RIMS2: variants seen among roughly 807,000 people sequenced by gnomAD.
RIMS2 encodes regulating synaptic membrane exocytosis 2.
RIMS2 carries 59 observed loss-of-function variants against 174.4 expected under a neutral mutation model. The observed-to-expected ratio is 0.34, with a 90% CI of 0.27 to 0.42. The LOEUF (loss-of-function observed/expected upper bound fraction) is 0.42, where lower values mean the gene tolerates loss of function less well. Ranked by LOEUF, RIMS2 falls within the 10% of genes least tolerant of loss-of-function variation. The probability of loss-of-function intolerance (pLI) is 1.00; values close to 1 mark genes in which losing one functional copy is unlikely to be tolerated. For synonymous variants in RIMS2, 606 were observed against 572.5 expected (o/e 1.06, Z -0.84); for missense variants, 1,620 against 1,666.3 (o/e 0.97, Z 0.48).
At chr8:103,970,964 G>T (rs1312955702) in intron 15 of RIMS2, among the ~76,000 whole-genome samples, 6 of 152,092 alleles carry the variant, frequency 3.9e-5, no homozygotes, top group African/African-American at 1.4e-4. Context: ...TTTAAAGTAA[G>T]TTGAAACTTT....
intron 1 of RIMS2, among the ~76,000 whole-genome samples, chr8:103,685,072 G>A (rs1001153918): frequency 1.4e-5 from 2 of 146,010 alleles, no homozygotes; most frequent in African/African-American, 5.0e-5. Flanking sequence ...ACAAGTTGAG[G>A]TTTTTGTTTT....
At chr8:103,861,883 C>A (rs2099060868) in intron 3 of RIMS2, among the ~76,000 whole-genome samples, 1 of 152,040 alleles carries the variant, frequency 6.6e-6, no homozygotes, top group Non-Finnish European at 1.5e-5. Flanking sequence ...AGATATTAGT[C>A]CTTTGTCAGA....
intron 14 of RIMS2, among the ~76,000 whole-genome samples, chr8:103,951,561 C>T (rs1313131239): frequency 1.3e-5 from 2 of 152,208 alleles, no homozygotes; most frequent in African/African-American, 4.8e-5. Flanking sequence ...GTACCTTGGA[C>T]TCTGGCCCAG....
chr8:103,583,602 T>G (rs1307522016), intron 1 of RIMS2, among the ~76,000 whole-genome samples: 2 of 152,068 alleles, frequency 1.3e-5, no homozygotes, highest in African/African-American at 4.8e-5. Context: ...TTGCAATAAT[T>G]AAAAAGAATC....
At chr8:103,746,263 GT>G (rs1346479567) in intron 2 of RIMS2, among the ~76,000 whole-genome samples, 1 of 152,038 alleles carries the variant, frequency 6.6e-6, no homozygotes, top group Non-Finnish European at 1.5e-5. Context: ...AGATGTATGG[GT>G]TTATTTCTGA....
intron 1 of RIMS2, among the ~76,000 whole-genome samples, chr8:103,628,437 C>A (rs771802334): frequency 6.6e-6 from 1 of 151,306 alleles, no homozygotes; most frequent in Non-Finnish European, 1.5e-5. Context: ...TCACCACAAC[C>A]TCCGCCTCCC....
chr8:103,712,893 A>C (rs1033692635), intron 2 of RIMS2, among the ~76,000 whole-genome samples: 2 of 152,240 alleles, frequency 1.3e-5, no homozygotes, highest in Non-Finnish European at 2.9e-5. Context: ...AATGAAAAAT[A>C]AAAGAATTTT....
intron 19 of RIMS2, among the ~76,000 whole-genome samples, chr8:104,048,257 G>A (rs2096726595): frequency 1.3e-5 from 2 of 152,034 alleles, no homozygotes; most frequent in Non-Finnish European, 2.9e-5. Flanking sequence ...AACTCTAATA[G>A]ACAAAATGGG....
intron 19 of RIMS2, among the ~76,000 whole-genome samples, chr8:104,060,757 G>C (rs1445685726): frequency 2.0e-5 from 3 of 152,072 alleles, no homozygotes; most frequent in African/African-American, 4.8e-5. Context: ...CCCAGAGATT[G>C]TGGTATGTTG....
At chr8:104,175,708 G>C (rs1273770822) in intron 19 of RIMS2, among the ~76,000 whole-genome samples, 1 of 152,044 alleles carries the variant, frequency 6.6e-6, no homozygotes, top group Non-Finnish European at 1.5e-5. Context: ...GAGACTAAAA[G>C]AGAAAGAACA....
chr8:103,591,986 T>G (rs182452628), intron 1 of RIMS2, among the ~76,000 whole-genome samples: 152 of 151,352 alleles, frequency 1.0e-3, no homozygotes, highest in Non-Finnish European at 1.9e-3. Flanking sequence ...TAGATCTATT[T>G]GGAAAGAATT....
chr8:104,017,501 GC>G (rs2095950945), intron 19 of RIMS2, among the ~76,000 whole-genome samples: 1 of 151,650 alleles, frequency 6.6e-6, no homozygotes, highest in South Asian at 2.1e-4. Flanking sequence ...AAACTATAAG[GC>G]ATTATTATTA....
chr8:104,235,023 G>A (rs1394279107), intron 19 of RIMS2, among the ~76,000 whole-genome samples: 1 of 152,084 alleles, frequency 6.6e-6, no homozygotes, highest in East Asian at 1.9e-4. Flanking sequence ...ACTGTTTCTA[G>A]CACATTTGTT....
intron 1 of RIMS2, among the ~76,000 whole-genome samples, chr8:103,636,094 T>A (rs2096068016): frequency 2.6e-5 from 4 of 152,194 alleles, no homozygotes; most frequent in Admixed American, 2.0e-4. Context: ...ACGGCTAAGA[T>A]GCCTTAACAG....
rs996617933 is a variant in RIMS2, at chr8:104,061,668, GCTA to G, written c.3334+47057_3334+47059del. Among the ~76,000 whole-genome samples, 7 of 150,088 alleles carry G rather than the reference GCTA, an allele frequency of 4.7e-5. No individual in the cohort carries two copies. In the East Asian group the frequency reaches 1.2e-3, roughly 25 times the overall value. On this transcript the variant is annotated intron_variant, in intron 19 of 23. Transcript: ENST00000504942. Reference sequence around the variant, plus strand: ...TATATTTAAAATTGTTCTAAGCTATGCTACTATTTTTACTGTTTAATCTGTTTT... The same window carrying G: ...TATATTTAAAATTGTTCTAAGCTATGCTATTTTTACTGTTTAATCTGTTTT...
At chr8:104,015,760 G>T (rs867132782) in intron 19 of RIMS2, among the ~76,000 whole-genome samples, 13 of 152,020 alleles carry the variant, frequency 8.6e-5, no homozygotes, top group South Asian at 4.2e-4. Context: ...ACTAGATTTC[G>T]AGTAAGACTT....
At chr8:103,619,564 G>A (rs1374359349) in intron 1 of RIMS2, among the ~76,000 whole-genome samples, 1 of 152,052 alleles carries the variant, frequency 6.6e-6, no homozygotes. Flanking sequence ...TGCATTCAAG[G>A]TTGGTAAACA....
At chr8:103,728,325 T>G (rs747877868) in intron 2 of RIMS2, among the ~76,000 whole-genome samples, 1 of 152,180 alleles carries the variant, frequency 6.6e-6, no homozygotes, top group Non-Finnish European at 1.5e-5. Context: ...TTTGAATAGT[T>G]TTTTGGTGGA....
chr8:103,533,037 T>G (rs1220925227), intron 1 of RIMS2, among the ~76,000 whole-genome samples: 1 of 152,220 alleles, frequency 6.6e-6, no homozygotes, highest in Non-Finnish European at 1.5e-5. Flanking sequence ...GATCACAATA[T>G]TCTCAAGTAG....
Sources: gnomAD v4.1 joint callset for allele counts (sites outside exome capture counted in the v4.1 genomes callset) on GRCh38, gnomAD v4.1.1 for gene constraint, MANE v1.5 for transcripts, NCBI Gene and HGNC (gene_info 2026-07-23, HGNC 2026-07-21) for gene names.